Variants in MARK4 observed in about 807,000 individuals in gnomAD.
MARK4 encodes the protein microtubule affinity regulating kinase 4, also known as MAP/microtubule affinity-regulating kinase 4.
MARK4 carries 19 observed loss-of-function variants against 81.5 expected under a neutral mutation model. The observed-to-expected ratio is 0.23, with a 90% CI of 0.16 to 0.34. The LOEUF is 0.34. Among genes scored for constraint, MARK4 ranks in the 10% least tolerant of loss-of-function variants. MARK4 has a pLI of 1.00. For synonymous variants in MARK4, 436 were observed against 439.0 expected (o/e 0.99, Z 0.08); for missense variants, 772 against 1,058.8 (o/e 0.73, Z 3.76).
At chr19:45,287,220 A>G (rs1227070130) in intron 12 of MARK4, among the ~76,000 whole-genome samples, 2 of 151,772 alleles carry the variant, frequency 1.3e-5, no homozygotes, top group East Asian at 1.9e-4. Flanking sequence ...AAAAAAAAAA[A>G]AAGAAGGTGC....
At chr19:45,278,457 A>G in intron 9 of MARK4, 59 bp from the exon 10 acceptor site, 1 of 1,457,216 alleles carries the variant, frequency 6.9e-7, no homozygotes. Flanking sequence ...CAGAAGCTGT[A>G]TGATTTCTGG....
intron 16 of MARK4, 108 bp downstream of exon 16, chr19:45,299,963 C>A: frequency 9.7e-7 from 1 of 1,030,356 alleles, no homozygotes; most frequent in Non-Finnish European, 1.4e-6. Flanking sequence ...TCCTGCAAGG[C>A]CAACTTCCTG....
At chr19:45,258,901 G>T in intron 1 of MARK4, 88 bp from the exon 2 acceptor site, 1 of 1,411,270 alleles carries the variant, frequency 7.1e-7, no homozygotes, top group East Asian at 2.4e-5. Flanking sequence ...CGGAGGGGCC[G>T]GTAGCCAGGC....
At chr19:45,276,318 C>T (rs905945385) in intron 8 of MARK4, among the ~76,000 whole-genome samples, 4 of 152,216 alleles carry the variant, frequency 2.6e-5, no homozygotes, top group East Asian at 3.8e-4. Flanking sequence ...TAAGCCACCA[C>T]GCCTGGCCTA....
At chr19:45,252,259 C>T (rs1014783110) in intron 1 of MARK4, among the ~76,000 whole-genome samples, 3 of 152,250 alleles carry the variant, frequency 2.0e-5, no homozygotes, top group Non-Finnish European at 4.4e-5. Flanking sequence ...TCTCTCCCGT[C>T]CCAGGCCTGG....
chr19:45,278,470 C>A, intron 9 of MARK4, 46 bp from the exon 10 acceptor site: 1 of 1,524,756 alleles, frequency 6.6e-7, no homozygotes, highest in Non-Finnish European at 9.1e-7. Context: ...ATTTCTGGTT[C>A]CTTCTGACAC....
intron 1 of MARK4, among the ~76,000 whole-genome samples, chr19:45,256,959 T>C (rs372797224): frequency 1.9e-3 from 282 of 150,408 alleles, no homozygotes; most frequent in African/African-American, 6.6e-3. Flanking sequence ...ATGTTTTTCC[T>C]CTTTTTTTTT....
At chr19:45,287,373 G>A in intron 12 of MARK4, 74 bp from the exon 13 acceptor site, 1 of 1,079,672 alleles carries the variant, frequency 9.3e-7, no homozygotes. Flanking sequence ...GAATTCTCAG[G>A]TTCCAACGAT....
At chr19:45,296,918 T>C (rs1367314864) in intron 14 of MARK4, among the ~76,000 whole-genome samples, 2 of 152,092 alleles carry the variant, frequency 1.3e-5, no homozygotes, top group Admixed American at 1.3e-4. Context: ...GGCGTGGTGC[T>C]GCATGCCTAT....
intron 12 of MARK4, among the ~76,000 whole-genome samples, chr19:45,282,041 T>C (rs147275912): frequency 0.011 from 1,705 of 151,976 alleles, 36 homozygotes; most frequent in South Asian, 0.1. Context: ...CTGGCCAACA[T>C]GGTGAAACCC....
intron 15 of MARK4, 81 bp downstream of exon 15, chr19:45,298,035 C>G: frequency 6.4e-7 from 1 of 1,551,236 alleles, no homozygotes; most frequent in Non-Finnish European, 8.8e-7. Flanking sequence ...TGCTCTGTCT[C>G]CTGTACCCCA....
chr19:45,297,790 T>C lies in MARK4; in HGVS notation c.1713T>C (p.Gly571=), dbSNP rs942773837. 1.4e-6 allele frequency: 2 copies of C among 1,464,196 alleles called. No homozygotes were observed. The highest frequency in any genetic ancestry group is 1.4e-5 in the African/African-American group (1 of 70,202). 90.7% of individuals were successfully genotyped at this position (1,464,196 alleles called of 1,614,324 possible). A position where few individuals can be genotyped will look rare whatever the true frequency, so the allele number is the denominator to read the frequency against. ...CCACCATCCGCAGCACCTTCCATGG[T>C]GGCCAGGTCCGGGACCGGCGGGCAG... The part of the protein sequence containing the change: ...RGSTIRSTFH[G]GQVRDRRAGG... Residue 571 remains glycine (G), a synonymous_variant, in exon 15 of 17, where the codon GGT becomes GGC. Transcript: ENST00000262891.
chr19:45,261,560 A>G (rs943573654), intron 2 of MARK4, among the ~76,000 whole-genome samples: 1 of 152,226 alleles, frequency 6.6e-6, no homozygotes, highest in African/African-American at 2.4e-5. Context: ...TGAAGAACAC[A>G]TGGTTCCCTA....
At chr19:45,283,363 C>T (rs1053483781) in intron 12 of MARK4, among the ~76,000 whole-genome samples, 16 of 146,662 alleles carry the variant, frequency 1.1e-4, no homozygotes, top group Non-Finnish European at 1.5e-5. Context: ...AAGCTGAGAT[C>T]GCGCCACTAC....
At position 45,302,405 on chromosome 19, in the gene MARK4, GC is replaced by G; in HGVS notation, c.1960del (p.Arg654GlyfsTer9). The G allele has an allele frequency of 6.2e-7, 1 of 1,613,974 alleles. No homozygotes were observed. Among genetic ancestry groups the G allele is most frequent in the Non-Finnish European group, 8.5e-7 (1 of 1,179,930 alleles). On this transcript the variant is annotated frameshift_variant, in exon 17 of 17. Transcript: ENST00000262891. LOFTEE classifies it high-confidence loss of function. The surrounding 1 kb of genome is among the most constrained non-coding windows in gnomAD (Gnocchi z 4.9). Reference protein sequence around the residue: ...CHLPWDQTETAPRLLRFPWSV... With the variant: ...CHLPWDQTETXPRLLRFPWSV... ...TCTACCTTGGGATCAAACGGAAACC[GC>G]CCCCCGGCTGCTCCGATTCCCCTGG...
intron 7 of MARK4, among the ~76,000 whole-genome samples, chr19:45,268,444 C>T (rs1599784111): frequency 6.6e-6 from 1 of 151,844 alleles, no homozygotes; most frequent in Non-Finnish European, 1.5e-5. Context: ...ATTAGGTGGT[C>T]GTTGTGGCGC....
rs1307172078 is a variant in MARK4 at position 45,302,346 on chromosome 19, T to G, written c.1923-28T>G. The G allele has an allele frequency of 6.2e-7, 1 of 1,613,894 alleles. No homozygotes were observed. Among genetic ancestry groups the G allele is most frequent in the Non-Finnish European group, 8.5e-7 (1 of 1,179,908 alleles). ...CACCACATTCCTCTTCGCTCCCATC[T>G]CTGACCCCTGACATCTTCTCGCCTC... On this transcript the variant is annotated intron_variant, in intron 16 of 16. Coordinates refer to ENST00000262891, the MANE Select transcript of MARK4 (RefSeq NM_001199867.2). This position sits in a 1 kb window ranked among gnomAD's most constrained non-coding sequence, Gnocchi z 4.9.
Position 45,294,396 on chromosome 19 carries a change from C to T in MARK4, c.1542C>T (p.Cys514=), listed in dbSNP as rs1970858546. The part of the protein sequence containing the change: ...SMMTRRNTYV[C]TERPGAERPS... ...TGACCCGCAGAAACACCTACGTTTG[C>T]ACAGAACGCCCGGGGGCTGAGCGCC... Residue 514 remains cysteine, a synonymous_variant, in exon 14 of 17, where the codon TGC becomes TGT. Coordinates refer to ENST00000262891, the MANE Select transcript of MARK4 (RefSeq NM_001199867.2). The T allele has an allele frequency of 1.9e-6, 3 of 1,613,990 alleles. No individual in the cohort carries two copies. The South Asian group carries it at 3.3e-5, about 18-fold the overall frequency.
intron 12 of MARK4, among the ~76,000 whole-genome samples, chr19:45,285,123 G>A (rs143856364): frequency 0.014 from 2,159 of 152,028 alleles, 26 homozygotes; most frequent in Non-Finnish European, 0.023. Flanking sequence ...GCTGGGCATG[G>A]TGGTGTGCAC....
Sources: gnomAD v4.1 joint callset for allele counts (sites outside exome capture counted in the v4.1 genomes callset) on GRCh38, gnomAD v4.1.1 for gene constraint, Gnocchi (gnomAD v3.1) non-coding constraint, MANE v1.5 for transcripts, NCBI Gene and HGNC (gene_info 2026-07-23, HGNC 2026-07-21) for gene names.